ENOSF1: variants seen among roughly 807,000 people sequenced by gnomAD.
ENOSF1 encodes enolase superfamily member 1, also known as mitochondrial enolase superfamily member 1.
Under a neutral mutation model 68.2 loss-of-function variants are expected in ENOSF1, and 73 were observed. The ratio of observed to expected loss-of-function variants is 1.07; its 90% CI spans 0.89 to 1.30. The LOEUF is 1.30. Ranked by LOEUF, ENOSF1 falls within the 50% of genes most tolerant of loss-of-function variation. The probability of loss-of-function intolerance (pLI) is 0.00; values close to 1 mark genes in which losing one functional copy is unlikely to be tolerated. For missense variants in ENOSF1, 589 were observed against 554.5 expected, an observed-to-expected ratio of 1.06 and a Z score of -0.62; for synonymous variants, 223 against 210.4, an observed-to-expected ratio of 1.06 and a Z score of -0.52.
chr18:665,316 G>A, the ENOSF1 span, among the ~76,000 whole-genome samples: 14 of 150,970 alleles, frequency 9.3e-5, no homozygotes, highest in Non-Finnish European at 1.6e-4. Flanking sequence ...AGAGGTGTTT[G>A]TAGTAATCTC....
Position 697,275 on chromosome 18 carries a change from A to G in ENOSF1, c.274T>C (p.Tyr92His), listed in dbSNP as rs2077834251. ...KDIVGDFRGF[Y>H]RQLTSDGQLR... is the part of the protein sequence containing the mutation. The stretch of plus-strand genomic sequence containing the variant: ...TGCCCATCACTTGTGAGCTGCCTAT[A>G]GAAGCCTCTGAAGTCACCAACAATG... Residue 92 changes from tyrosine to histidine, a missense_variant, in exon 3 of 16, where the codon TAT becomes CAT. By Grantham distance (83) the Tyr-to-His change is moderately conservative. Coordinates refer to ENST00000647584, the MANE Select transcript of ENOSF1 (RefSeq NM_017512.7). 1 of 1,614,048 alleles carries G rather than the reference A, an allele frequency of 6.2e-7. No homozygotes were observed. The highest frequency in any genetic ancestry group is 8.5e-7 in the Non-Finnish European group (1 of 1,179,934).
At chr18:666,915 TGATGGA>T (rs200659471), downstream of ENOSF1, among the ~76,000 whole-genome samples, 3,278 of 59,456 alleles carry the variant, frequency 0.055, 488 homozygotes, top group Non-Finnish European at 0.082. Flanking sequence ...ATGGTGATGG[TGATGGA>T]GATGGTGATG....
At chr18:694,818 C>CTCTCTA (rs150137994) in intron 3 of ENOSF1, among the ~76,000 whole-genome samples, 1 of 151,678 alleles carries the variant, frequency 6.6e-6, no homozygotes, top group Non-Finnish European at 1.5e-5. Flanking sequence ...TTCTCTCTCT[C>CTCTCTA]TATATATATG....
downstream of ENOSF1, among the ~76,000 whole-genome samples, chr18:667,400 T>A (rs201536219): frequency 0.014 from 54 of 3,814 alleles, 5 homozygotes; most frequent in Admixed American, 0.026. Flanking sequence ...ATGGAGATGG[T>A]GATGGTGATG....
intron 1 of ENOSF1, 149 bp downstream of exon 1, chr18:712,355 C>T: frequency 1.4e-6 from 2 of 1,441,502 alleles, no homozygotes; most frequent in Non-Finnish European, 1.8e-6. Context: ...GCAAGCCGCG[C>T]GTACCATGGC....
chr18:692,652 G>T, intron 5 of ENOSF1: 15 of 906,180 alleles, frequency 1.7e-5, no homozygotes, highest in Middle Eastern at 5.6e-4. Context: ...TACTGGCATT[G>T]AAAGGGAACA....
intron 1 of ENOSF1, chr18:707,703 G>A (rs2079082019): frequency 2.6e-5 from 4 of 151,950 alleles, no homozygotes; most frequent in Admixed American, 2.0e-4. Context: ...TATTGTGCCA[G>A]ACACACTATA....
chr18:690,996 C>A (rs753207262), intron 7 of ENOSF1, 72 bp downstream of exon 7: 17 of 1,541,398 alleles, frequency 1.1e-5, no homozygotes, highest in African/African-American at 1.4e-5. Context: ...AATGTGTACC[C>A]CAAAAGGACA....
In ENOSF1 at chr18:691,042, A is replaced by G. The variant is rs537121484; in HGVS notation, c.535+26T>C. Reference sequence around the variant, plus strand: ...AAAGTGGACAATGTTAGCAAAAACAATGAAGAAAATTTTCTTACAACCCAC... The same window carrying G: ...AAAGTGGACAATGTTAGCAAAAACAGTGAAGAAAATTTTCTTACAACCCAC... On this transcript the variant is annotated intron_variant, in intron 7 of 15. Coordinates refer to ENST00000647584, the MANE Select transcript of ENOSF1 (RefSeq NM_017512.7). The G allele has an allele frequency of 1.9e-6, 3 of 1,613,672 alleles. No homozygotes were observed. In the East Asian group the frequency reaches 6.7e-5, roughly 36 times the overall value.
At chr18:702,356 T>C (rs769412191) in intron 2 of ENOSF1, among the ~76,000 whole-genome samples, 1 of 150,262 alleles carries the variant, frequency 6.7e-6, no homozygotes, top group Non-Finnish European at 1.5e-5. Flanking sequence ...GTGGATCACC[T>C]GAGGTCAGGA....
At chr18:664,634 G>A in the ENOSF1 span, among the ~76,000 whole-genome samples, 9 of 138,040 alleles carry the variant, frequency 6.5e-5, 1 homozygote, top group South Asian at 9.9e-4. Context: ...TGCCCATTCA[G>A]TATGATATTG....
chr18:664,255 A>G, the ENOSF1 span, among the ~76,000 whole-genome samples: 1 of 151,520 alleles, frequency 6.6e-6, no homozygotes, highest in Non-Finnish European at 1.5e-5. Flanking sequence ...GTGGATTCCT[A>G]GGTATTTTAT....
intron 9 of ENOSF1, chr18:686,260 G>T: frequency 2.3e-6 from 1 of 435,728 alleles, no homozygotes; most frequent in Non-Finnish European, 4.1e-6. Context: ...GGGAAGTCAG[G>T]TCTTTAATAT....
At chr18:666,920 GAGATGGT>G (rs775702356), downstream of ENOSF1, among the ~76,000 whole-genome samples, 2,282 of 68,362 alleles carry the variant, frequency 0.033, 101 homozygotes, top group South Asian at 0.089. Flanking sequence ...GATGGTGATG[GAGATGGT>G]GATGGTGATG....
downstream of ENOSF1, chr18:669,335 C>T (rs1361925295): frequency 1.5e-5 from 8 of 537,934 alleles, no homozygotes; most frequent in African/African-American, 5.9e-5. Context: ...GCTGCACTTT[C>T]ACCTTCAGAT....
At chr18:678,037 T>C (rs1238953359) in intron 12 of ENOSF1, 165 bp from the exon 13 acceptor site, 2 of 746,598 alleles carry the variant, frequency 2.7e-6, no homozygotes, top group Non-Finnish European at 4.1e-6. Flanking sequence ...GAGGCGAGCT[T>C]TTATAGCGTG....
At position 671,164 on chromosome 18, in the gene ENOSF1, T is replaced by C; in HGVS notation, c.*3141A>G. On this transcript the variant is annotated 3_prime_UTR_variant, in exon 16 of 16. Coordinates refer to ENST00000647584, the MANE Select transcript of ENOSF1 (RefSeq NM_017512.7). ...GCTCATGCCTGTAATCCCAGCACTT[T>C]GGGAGACTGAGACAGGAGCAATTGC... 1 of 613,538 alleles carries C rather than the reference T, an allele frequency of 1.6e-6. No homozygotes were observed. Among genetic ancestry groups the C allele is most frequent in the South Asian group, 2.0e-5 (1 of 49,824 alleles). 38.0% of individuals were successfully genotyped at this position (613,538 alleles called of 1,614,324 possible). A position where few individuals can be genotyped will look rare whatever the true frequency, so the allele number is the denominator to read the frequency against.
At chr18:681,040 T>G (rs1460132963) in intron 11 of ENOSF1, among the ~76,000 whole-genome samples, 1 of 152,130 alleles carries the variant, frequency 6.6e-6, no homozygotes, top group Non-Finnish European at 1.5e-5. Context: ...TTTTGTATTT[T>G]TAGTAGAGAC....
intron 15 of ENOSF1, among the ~76,000 whole-genome samples, chr18:674,902 A>C (rs2075323260): frequency 6.6e-6 from 1 of 152,236 alleles, no homozygotes; most frequent in Non-Finnish European, 1.5e-5. Context: ...TACTTGCCAG[A>C]GTTAGTTAAC....
Sources: allele counts gnomAD v4.1 joint callset (sites outside exome capture counted in the v4.1 genomes callset), GRCh38; gene constraint gnomAD v4.1.1; transcripts MANE v1.5; gene names NCBI Gene and HGNC (gene_info 2026-07-23, HGNC 2026-07-21).